SOX6: variants seen among roughly 807,000 people sequenced by gnomAD.
SOX6 encodes transcription factor SOX-6.
SOX6 carries 11 observed loss-of-function variants against 97.8 expected under a neutral mutation model. That is an observed-to-expected ratio of 0.11 (90% CI 0.07 to 0.19). The LOEUF is 0.19. Ranked by LOEUF, SOX6 falls within the 10% of genes least tolerant of loss-of-function variation. The probability of loss-of-function intolerance (pLI) is 1.00; values close to 1 mark genes in which losing one functional copy is unlikely to be tolerated. For missense variants in SOX6, 810 were observed against 1,039.5 expected (o/e 0.78, Z 3.04); for synonymous variants, 360 against 371.4 (o/e 0.97, Z 0.35).
At chr11:16,467,718 G>T (rs1198015231) in intron 1 of SOX6, among the ~76,000 whole-genome samples, 1 of 152,074 alleles carries the variant, frequency 6.6e-6, no homozygotes, top group Non-Finnish European at 1.5e-5. Flanking sequence ...GAAATAATCT[G>T]TACAACAAAC....
chr11:16,520,280 T>C (rs1441141919), intron 4 of SOX6, among the ~76,000 whole-genome samples: 2 of 152,210 alleles, frequency 1.3e-5, no homozygotes, highest in South Asian at 2.1e-4. Flanking sequence ...CCTAGGCCAA[T>C]GATGAGAAAT....
intron 13 of SOX6, among the ~76,000 whole-genome samples, chr11:16,006,121 C>T (rs903044479): frequency 3.3e-5 from 5 of 151,890 alleles, no homozygotes; most frequent in African/African-American, 1.2e-4. Context: ...GAATGAAAAC[C>T]CACCTAACAC....
chr11:16,492,483 T>A (rs1218525455), intron 4 of SOX6, among the ~76,000 whole-genome samples: 1 of 152,152 alleles, frequency 6.6e-6, no homozygotes, highest in Non-Finnish European at 1.5e-5. Flanking sequence ...TAGAAGAAAC[T>A]CTTAATCAGC....
At chr11:16,383,135 A>G (rs1857878585) in intron 1 of SOX6, among the ~76,000 whole-genome samples, 1 of 151,948 alleles carries the variant, frequency 6.6e-6, no homozygotes, top group South Asian at 2.1e-4. Flanking sequence ...AACAATAATA[A>G]GAATTGCTCT....
intron 6 of SOX6, among the ~76,000 whole-genome samples, chr11:16,156,284 G>A (rs1174653174): frequency 1.3e-5 from 2 of 151,956 alleles, no homozygotes; most frequent in East Asian, 1.9e-4. Flanking sequence ...GGATCAGTCT[G>A]TGGGTCCCTT....
intron 3 of SOX6, among the ~76,000 whole-genome samples, chr11:16,622,837 CT>C (rs1401388194): frequency 2.0e-5 from 3 of 152,172 alleles, no homozygotes; most frequent in Non-Finnish European, 4.4e-5. Context: ...TTTAGGAAAT[CT>C]CCACACTGTT....
chr11:16,094,184 C>T (rs1848747918), intron 9 of SOX6, among the ~76,000 whole-genome samples: 1 of 151,850 alleles, frequency 6.6e-6, no homozygotes, highest in South Asian at 2.1e-4. Context: ...GTGACATATG[C>T]TGTGCTTCTA....
At chr11:16,208,443 C>T (rs768482255) in intron 4 of SOX6, among the ~76,000 whole-genome samples, 38 of 152,270 alleles carry the variant, frequency 2.5e-4, no homozygotes, top group South Asian at 4.1e-4. Context: ...CTGGCGCTTT[C>T]GCACAAATTA....
intron 3 of SOX6, among the ~76,000 whole-genome samples, chr11:16,261,571 G>C (rs1293838368): frequency 3.3e-5 from 5 of 151,826 alleles, no homozygotes; most frequent in African/African-American, 1.2e-4. Context: ...AATTCTTCTG[G>C]GGTATATACT....
At chr11:16,491,819 C>A (rs1860513835) in intron 4 of SOX6, among the ~76,000 whole-genome samples, 2 of 152,108 alleles carry the variant, frequency 1.3e-5, no homozygotes, top group South Asian at 4.1e-4. Context: ...TATCTCATAT[C>A]ATACAATGCA....
At chr11:16,023,615 A>G (rs1458097312) in intron 12 of SOX6, among the ~76,000 whole-genome samples, 1 of 152,188 alleles carries the variant, frequency 6.6e-6, no homozygotes, top group East Asian at 1.9e-4. Context: ...GGGCTCTCCA[A>G]GAAGAATTTT....
chr11:16,023,971 T>A (rs1199511257), intron 12 of SOX6, among the ~76,000 whole-genome samples: 1 of 152,162 alleles, frequency 6.6e-6, no homozygotes, highest in African/African-American at 2.4e-5. Flanking sequence ...TGTTTCCCCA[T>A]AATTCATAGG....
intron 2 of SOX6, among the ~76,000 whole-genome samples, chr11:16,340,304 T>G (rs1330920181): frequency 1.3e-5 from 2 of 151,118 alleles, no homozygotes; most frequent in African/African-American, 4.8e-5. Flanking sequence ...TTTTAATCTC[T>G]TCTAGATGCT....
At chr11:16,602,272 G>A (rs546536551) in intron 4 of SOX6, among the ~76,000 whole-genome samples, 8 of 152,274 alleles carry the variant, frequency 5.3e-5, no homozygotes, top group African/African-American at 1.9e-4. Context: ...GAAGAGAAAC[G>A]AGGTGTTGGT....
At chr11:16,426,893 G>A (rs1227621818) in intron 1 of SOX6, among the ~76,000 whole-genome samples, 2 of 104,518 alleles carry the variant, frequency 1.9e-5, no homozygotes, top group Non-Finnish European at 3.5e-5. Flanking sequence ...CAGCCTGGGC[G>A]ACAGAGCGAG....
intron 3 of SOX6, among the ~76,000 whole-genome samples, chr11:16,283,098 T>TATATATAC (rs1854623170): frequency 7.0e-6 from 1 of 142,302 alleles, no homozygotes; most frequent in Non-Finnish European, 1.5e-5. Context: ...TGTATATATA[T>TATATATAC]ATATATATAT....
At chr11:16,602,759 C>T (rs1213580063) in intron 4 of SOX6, among the ~76,000 whole-genome samples, 1 of 152,072 alleles carries the variant, frequency 6.6e-6, no homozygotes, top group Admixed American at 6.5e-5. Context: ...CGGCTGTTCA[C>T]GCCTGTAATC....
At chr11:16,431,024 C>G (rs1022478839) in intron 1 of SOX6, among the ~76,000 whole-genome samples, 4 of 152,128 alleles carry the variant, frequency 2.6e-5, no homozygotes, top group African/African-American at 9.7e-5. Flanking sequence ...TCTTCAAGTT[C>G]ATCAAGTTCA....
chr11:16,684,400 A>T (rs1454338191), intron 3 of SOX6, among the ~76,000 whole-genome samples: 1 of 152,224 alleles, frequency 6.6e-6, no homozygotes, highest in Non-Finnish European at 1.5e-5. Flanking sequence ...CTATGCAGCC[A>T]TAAAAAAGGA....
Sources: allele counts gnomAD v4.1 joint callset (sites outside exome capture counted in the v4.1 genomes callset), GRCh38; gene constraint gnomAD v4.1.1; transcripts MANE v1.5; gene names NCBI Gene and HGNC (gene_info 2026-07-23, HGNC 2026-07-21).